Variants in CDCA2 observed in about 807,000 individuals in gnomAD.
The protein encoded by CDCA2 is cell division cycle associated 2.
CDCA2 carries 44 observed loss-of-function variants against 67.0 expected under a neutral mutation model. The observed-to-expected ratio is 0.66, with a 90% confidence interval of 0.52 to 0.84. CDCA2 has a LOEUF of 0.84. Among genes scored for constraint, CDCA2 ranks in the 40% least tolerant of loss-of-function variants. CDCA2 has a pLI of 0.00. For synonymous variants in CDCA2, 447 were observed against 418.7 expected (o/e 1.07, Z -0.82); for missense variants, 1,253 against 1,203.2 (o/e 1.04, Z -0.61).
intron 14 of CDCA2, among the ~76,000 whole-genome samples, chr8:25,504,582 T>C (rs1034686871): frequency 6.6e-6 from 1 of 152,186 alleles, no homozygotes; most frequent in African/African-American, 2.4e-5. Flanking sequence ...ATGAATGAGG[T>C]ACATGCCACC....
chr8:25,462,491 G>C (rs1279650399), intron 4 of CDCA2, among the ~76,000 whole-genome samples: 2 of 152,166 alleles, frequency 1.3e-5, no homozygotes, highest in Non-Finnish European at 2.9e-5. Context: ...GCTGGGTGTG[G>C]TGGCAGGTTC....
intron 3 of CDCA2, among the ~76,000 whole-genome samples, chr8:25,461,455 C>T (rs1490523783): frequency 6.6e-6 from 1 of 152,150 alleles, no homozygotes; most frequent in Non-Finnish European, 1.5e-5. Flanking sequence ...TTGAATATCA[C>T]AGGGCACTAG....
chr8:25,470,626 AG>A (rs1309580902), intron 7 of CDCA2, among the ~76,000 whole-genome samples: 4 of 152,354 alleles, frequency 2.6e-5, no homozygotes, highest in Non-Finnish European at 5.9e-5. Context: ...CATAAAATAC[AG>A]AAACTACAAA....
At chr8:25,467,065 A>AAAAAAAAAAACAC (rs1468639428) in intron 5 of CDCA2, among the ~76,000 whole-genome samples, 2 of 126,232 alleles carry the variant, frequency 1.6e-5, no homozygotes, top group African/African-American at 6.4e-5. Flanking sequence ...AAAAAAAAAA[A>AAAAAAAAAAACAC]ACACACACAC....
In CDCA2 at chr8:25,468,431, C is replaced by T. The variant is rs1394109044; in HGVS notation, c.735+18C>T. On this transcript the variant is annotated intron_variant, in intron 6 of 14. Transcript: ENST00000330560. ...TTTCTGAGGTAATTCACTTACTTTACGCATAGGAAAATGAAGTTGTTGGTT... is the reference window on the plus strand; with the variant it reads ...TTTCTGAGGTAATTCACTTACTTTATGCATAGGAAAATGAAGTTGTTGGTT... 7 of 1,595,624 alleles carry T rather than the reference C, an allele frequency of 4.4e-6. No homozygotes were observed. The highest frequency in any genetic ancestry group is 4.5e-5 in the East Asian group (2 of 44,652).
chr8:25,504,988 T>A (rs1804621004), intron 14 of CDCA2, among the ~76,000 whole-genome samples: 1 of 152,224 alleles, frequency 6.6e-6, no homozygotes, highest in African/African-American at 2.4e-5. Context: ...ATTTTCCATG[T>A]TGTATCGTAT....
At chr8:25,483,347 C>G in intron 8 of CDCA2, 52 bp from the exon 9 acceptor site, 1 of 1,197,988 alleles carries the variant, frequency 8.3e-7, no homozygotes, top group Non-Finnish European at 1.2e-6. Flanking sequence ...TTAATGATGA[C>G]GTCTATGTAT....
At chr8:25,490,254 T>G (rs1803949494) in intron 13 of CDCA2, among the ~76,000 whole-genome samples, 1 of 152,088 alleles carries the variant, frequency 6.6e-6, no homozygotes, top group Non-Finnish European at 1.5e-5. Context: ...ATACACCTAT[T>G]CATATAAAAT....
chr8:25,485,180 T>TATAAAA (rs140088408), intron 10 of CDCA2, among the ~76,000 whole-genome samples: 3 of 113,906 alleles, frequency 2.6e-5, no homozygotes, highest in African/African-American at 8.3e-5. Flanking sequence ...AAACTTAAAG[T>TATAAAA]ATAATAATAA....
chr8:25,459,244 C>G lies in CDCA2; in HGVS notation c.-230C>G, dbSNP rs894655475. ...CGGAGGAGGCGGGTGGAGGAGGCTGCCGGGCAGAGCGCAGGCCAGGATCAG... is the reference window on the plus strand; with the variant it reads ...CGGAGGAGGCGGGTGGAGGAGGCTGGCGGGCAGAGCGCAGGCCAGGATCAG... On this transcript the variant is annotated 5_prime_UTR_variant, in exon 1 of 15. Coordinates refer to ENST00000330560, the MANE Select transcript of CDCA2 (RefSeq NM_152562.4). 6.6e-6 allele frequency: 1 copy of G among 152,476 alleles called. No homozygotes were observed. The highest frequency in any genetic ancestry group is 1.9e-4 in the East Asian group (1 of 5,200). 9.4% of individuals were successfully genotyped at this position (152,476 alleles called of 1,614,324 possible). A position where few individuals can be genotyped will look rare whatever the true frequency, so the allele number is the denominator to read the frequency against.
At chr8:25,483,758 G>C (rs1435075648) in intron 9 of CDCA2, among the ~76,000 whole-genome samples, 1 of 152,002 alleles carries the variant, frequency 6.6e-6, no homozygotes, top group Non-Finnish European at 1.5e-5. Flanking sequence ...TTTTTACTTG[G>C]AAATCTGTTG....
At chr8:25,475,682 G>A (rs1803321223) in intron 7 of CDCA2, among the ~76,000 whole-genome samples, 1 of 152,148 alleles carries the variant, frequency 6.6e-6, no homozygotes, top group African/African-American at 2.4e-5. Context: ...GCTGTGTGGG[G>A]AAGCTGGACA....
chr8:25,469,822 T>A (rs920438885), intron 6 of CDCA2, 74 bp from the exon 7 acceptor site: 9 of 861,650 alleles, frequency 1.0e-5, no homozygotes, highest in African/African-American at 1.7e-5. Flanking sequence ...CCATAATGTT[T>A]ACTCAAATCT....
At chr8:25,483,199 A>G (rs1803635557) in intron 8 of CDCA2, among the ~76,000 whole-genome samples, 200 bp from the exon 9 acceptor site, 1 of 152,186 alleles carries the variant, frequency 6.6e-6, no homozygotes, top group Non-Finnish European at 1.5e-5. Flanking sequence ...CTGTTTTCTA[A>G]AGTAGTATCT....
chr8:25,476,185 A>T (rs1184787501), intron 7 of CDCA2, among the ~76,000 whole-genome samples: 1 of 152,120 alleles, frequency 6.6e-6, no homozygotes, highest in Non-Finnish European at 1.5e-5. Flanking sequence ...TGCTCATTGG[A>T]TTTCTCTGGG....
intron 13 of CDCA2, among the ~76,000 whole-genome samples, chr8:25,498,464 G>A (rs200968386): frequency 2.0e-4 from 14 of 71,782 alleles, no homozygotes; most frequent in Middle Eastern, 7.6e-3. Context: ...CCCCCCCCCC[G>A]CCCCCCAGGC....
chr8:25,472,060 T>G (rs1444485850), intron 7 of CDCA2: 1 of 152,212 alleles, frequency 6.6e-6, no homozygotes, highest in African/African-American at 2.4e-5. Flanking sequence ...GGGACCTGCA[T>G]GACACCTCTG....
At chr8:25,460,653 G>C in intron 3 of CDCA2, 99 bp downstream of exon 3, 1 of 1,286,486 alleles carries the variant, frequency 7.8e-7, no homozygotes, top group South Asian at 1.5e-5. Flanking sequence ...CATATTTTAG[G>C]TACCTAAATT....
chr8:25,459,441 C>T lies in CDCA2; in HGVS notation c.-33C>T, dbSNP rs1348553242. On this transcript the variant is annotated 5_prime_UTR_variant, in exon 1 of 15. Transcript: ENST00000330560. Reference sequence around the variant, plus strand: ...CACGGGGCTCTGGGAGTAAGCCTGTCTGCCTGGCGGGCCTTCAGGTGCGGC... The same window carrying T: ...CACGGGGCTCTGGGAGTAAGCCTGTTTGCCTGGCGGGCCTTCAGGTGCGGC... The T allele has an allele frequency of 6.6e-6, 1 of 152,174 alleles. No homozygotes were observed. Among genetic ancestry groups the T allele is most frequent in the Non-Finnish European group, 1.5e-5 (1 of 68,110 alleles). 9.4% of individuals were successfully genotyped at this position (152,174 alleles called of 1,614,324 possible). A position where few individuals can be genotyped will look rare whatever the true frequency, so the allele number is the denominator to read the frequency against.
Sources: gnomAD v4.1 joint callset for allele counts (sites outside exome capture counted in the v4.1 genomes callset) on GRCh38, gnomAD v4.1.1 for gene constraint, MANE v1.5 for transcripts, NCBI Gene and HGNC (gene_info 2026-07-23, HGNC 2026-07-21) for gene names.